Variants in ACYP2 observed in about 807,000 individuals in gnomAD.
ACYP2 encodes the protein acylphosphatase-2.
A neutral mutation model predicts 11.2 loss-of-function variants in ACYP2; 12 were observed. That is an observed-to-expected ratio of 1.08 (90% confidence interval 0.69 to 1.74). ACYP2 has a LOEUF of 1.74. Ranked by LOEUF, ACYP2 falls within the 40% of genes most tolerant of loss-of-function variation. The probability of loss-of-function intolerance (pLI) is 0.00; values close to 1 mark genes in which losing one functional copy is unlikely to be tolerated. For missense variants in ACYP2, 134 were observed against 101.9 expected, an observed-to-expected ratio of 1.31 and a Z score of -1.35; for synonymous variants, 43 against 32.2, an observed-to-expected ratio of 1.33 and a Z score of -1.13.
chr2:54,290,174 G>C (rs1682103), intron 6 of ACYP2, among the ~76,000 whole-genome samples: 1 of 152,040 alleles, frequency 6.6e-6, no homozygotes, highest in Admixed American at 6.5e-5. Context: ...TGGGTGCCCG[G>C]CTGCCGCCGC....
Position 54,048,159 on chromosome 2 carries a change from C to T in ACYP2, c.63-2799C>T, listed in dbSNP as rs553919131. Among the ~76,000 whole-genome samples, 5 of 152,232 alleles carry T rather than the reference C, an allele frequency of 3.3e-5. No homozygotes were observed. The East Asian group carries it at 9.6e-4, about 29-fold the overall frequency. ...AGTTTTTGTAGGCCAGGCGCAGTGG[C>T]TCATGTCTGTAATCCCAGCGCTTTG... On this transcript the variant is annotated intron_variant, in intron 2 of 6. Transcript: ENST00000607452.
chr2:54,164,856 C>T (rs941792942), intron 6 of ACYP2, among the ~76,000 whole-genome samples: 9 of 152,182 alleles, frequency 5.9e-5, no homozygotes, highest in Admixed American at 2.6e-4. Context: ...GCTCTCCCTC[C>T]TCTTGCCCCT....
chr2:54,121,462 G>A (rs1269801785), intron 4 of ACYP2, among the ~76,000 whole-genome samples: 1 of 152,144 alleles, frequency 6.6e-6, no homozygotes, highest in Non-Finnish European at 1.5e-5. Context: ...GTCTACCGAG[G>A]AATTTGTCTG....
chr2:54,176,810 A>G (rs2103860055), intron 6 of ACYP2, among the ~76,000 whole-genome samples: 1 of 152,266 alleles, frequency 6.6e-6, no homozygotes, highest in Non-Finnish European at 1.5e-5. Context: ...TTGAGAGGGT[A>G]CCAAAGTCTA....
chr2:54,032,719 C>G (rs565058719), intron 2 of ACYP2, among the ~76,000 whole-genome samples: 2 of 152,216 alleles, frequency 1.3e-5, no homozygotes, highest in East Asian at 3.9e-4. Context: ...CTCCCATTCA[C>G]AATTGCTTCA....
At chr2:54,146,799 CTT>C (rs112108365) in intron 6 of ACYP2, among the ~76,000 whole-genome samples, 119 of 143,730 alleles carry the variant, frequency 8.3e-4, no homozygotes, top group African/African-American at 2.6e-3. Context: ...TGCATTGTCT[CTT>C]TTTTTTTTTT....
rs145386281 is a variant in ACYP2, at chr2:54,044,579, G to A, written c.63-6379G>A. 5.3e-3 allele frequency among the ~76,000 whole-genome samples: 809 copies of A among 151,612 alleles called. 9 individuals are homozygous for A. Among genetic ancestry groups the A allele is most frequent in the African/African-American group, 0.019 (769 of 41,326 alleles). On this transcript the variant is annotated intron_variant, in intron 2 of 6. Transcript: ENST00000607452. Reference sequence around the variant, plus strand: ...TCCAGTCTGGGCAACAGAGTAAGACGCTGTCCCCCACTCCTGCCCGCCCCT... The same window carrying A: ...TCCAGTCTGGGCAACAGAGTAAGACACTGTCCCCCACTCCTGCCCGCCCCT...
intron 4 of ACYP2, among the ~76,000 whole-genome samples, chr2:54,060,662 A>G (rs954329976): frequency 6.6e-6 from 1 of 152,270 alleles, no homozygotes; most frequent in Non-Finnish European, 1.5e-5. Flanking sequence ...TTGGTATGAT[A>G]GAATTTTATC....
chr2:54,065,734 G>T (rs779429526), intron 4 of ACYP2: 3 of 381,826 alleles, frequency 7.9e-6, no homozygotes, highest in Non-Finnish European at 1.4e-5. Context: ...GTGATATGAA[G>T]CATCTCATTC....
intron 6 of ACYP2, among the ~76,000 whole-genome samples, chr2:54,271,271 A>G (rs781591111): frequency 6.6e-6 from 1 of 152,226 alleles, no homozygotes; most frequent in Non-Finnish European, 1.5e-5. Flanking sequence ...TTCTGCTCAA[A>G]TGTAGGCATA....
chr2:54,288,294 T>C (rs958445343), intron 6 of ACYP2, among the ~76,000 whole-genome samples: 10 of 151,922 alleles, frequency 6.6e-5, no homozygotes, highest in Non-Finnish European at 1.3e-4. Flanking sequence ...ATCCTCCATA[T>C]AGGAACAGAG....
intron 2 of ACYP2, among the ~76,000 whole-genome samples, chr2:54,018,588 G>C (rs1415268494): frequency 6.6e-6 from 1 of 152,058 alleles, no homozygotes; most frequent in Non-Finnish European, 1.5e-5. Context: ...TGAGGTGGGA[G>C]AATCAGTTGA....
intron 6 of ACYP2, among the ~76,000 whole-genome samples, chr2:54,264,230 A>G (rs1311199942): frequency 6.6e-6 from 1 of 152,190 alleles, no homozygotes; most frequent in Non-Finnish European, 1.5e-5. Context: ...GCTACAGGTC[A>G]TAAAGGTAGT....
intron 3 of ACYP2, among the ~76,000 whole-genome samples, chr2:54,054,026 T>G (rs72800720): frequency 0.037 from 5,686 of 152,270 alleles, 361 homozygotes; most frequent in East Asian, 0.29. Context: ...ATGGAATTGG[T>G]ATAAAAACCC....
intron 6 of ACYP2, among the ~76,000 whole-genome samples, chr2:54,167,391 G>GTTT (rs1683031162): frequency 6.6e-6 from 1 of 152,170 alleles, no homozygotes; most frequent in Non-Finnish European, 1.5e-5. Context: ...TATCTGAAAA[G>GTTT]ATATAATGGT....
intron 4 of ACYP2, among the ~76,000 whole-genome samples, chr2:54,125,044 T>G (rs1488827622): frequency 6.6e-6 from 1 of 152,172 alleles, no homozygotes; most frequent in Non-Finnish European, 1.5e-5. Context: ...TGAGCCACCA[T>G]GCCCTGCCCC....
At chr2:54,218,214 G>C (rs1488144331) in intron 6 of ACYP2, among the ~76,000 whole-genome samples, 2 of 152,152 alleles carry the variant, frequency 1.3e-5, no homozygotes, top group Non-Finnish European at 1.5e-5. Flanking sequence ...ATACCACTTA[G>C]TCCTGCACAT....
intron 4 of ACYP2, among the ~76,000 whole-genome samples, chr2:54,133,894 C>G (rs1334993790): frequency 6.6e-6 from 1 of 152,118 alleles, no homozygotes; most frequent in Non-Finnish European, 1.5e-5. Context: ...GTATGAAGTC[C>G]CATAGTATTC....
intron 2 of ACYP2, among the ~76,000 whole-genome samples, chr2:53,983,602 G>A (rs192268351): frequency 5.9e-5 from 9 of 152,286 alleles, no homozygotes; most frequent in East Asian, 3.8e-4. Context: ...CTTAGGGAGC[G>A]AGATTAAGAA....
Sources: allele counts gnomAD v4.1 joint callset (sites outside exome capture counted in the v4.1 genomes callset), GRCh38; gene constraint gnomAD v4.1.1; transcripts MANE v1.5; gene names NCBI Gene and HGNC (gene_info 2026-07-23, HGNC 2026-07-21).